HELZ: variants seen among roughly 807,000 people sequenced by gnomAD.
HELZ encodes the protein helicase with zinc finger.
Under a neutral mutation model 218.2 loss-of-function variants are expected in HELZ, and 23 were observed. That is an observed-to-expected ratio of 0.11 (90% CI 0.08 to 0.15). HELZ has a LOEUF of 0.15. HELZ is among the 10% of genes least tolerant of loss of function. The pLI, the probability that HELZ is intolerant of heterozygous loss-of-function variation, is 1.00. For synonymous variants in HELZ, 814 were observed against 829.4 expected, an observed-to-expected ratio of 0.98 and a Z score of 0.32; for missense variants, 1,813 against 2,353.7, an observed-to-expected ratio of 0.77 and a Z score of 4.75.
intron 5 of HELZ, among the ~76,000 whole-genome samples, chr17:67,210,628 T>C (rs1472403494): frequency 6.6e-6 from 1 of 152,136 alleles, no homozygotes; most frequent in Admixed American, 6.6e-5. Context: ...TTCATTTTTT[T>C]AGTGTAAAAA....
At chr17:67,163,170 T>C (rs1389216065) in intron 15 of HELZ, among the ~76,000 whole-genome samples, 1 of 152,204 alleles carries the variant, frequency 6.6e-6, no homozygotes, top group South Asian at 2.1e-4. Flanking sequence ...AAAAGCTCAA[T>C]TAAGGTTAGC....
chr17:67,152,888 A>G (rs549064378), intron 17 of HELZ, among the ~76,000 whole-genome samples: 1 of 152,204 alleles, frequency 6.6e-6, no homozygotes, highest in South Asian at 2.1e-4. Flanking sequence ...TCAGGAGAGC[A>G]TGGGGTATTG....
chr17:67,191,204 C>T (rs1437097041), intron 9 of HELZ, among the ~76,000 whole-genome samples: 1 of 152,174 alleles, frequency 6.6e-6, no homozygotes, highest in Non-Finnish European at 1.5e-5. Flanking sequence ...AGTGATTTTA[C>T]TCTTTTCTAC....
intron 17 of HELZ, among the ~76,000 whole-genome samples, chr17:67,159,768 A>T (rs1202973004): frequency 6.6e-6 from 1 of 152,166 alleles, no homozygotes; most frequent in Non-Finnish European, 1.5e-5. Context: ...AAAGTTGTTA[A>T]ATACCAGTCA....
chr17:67,109,203 T>C lies in HELZ; in HGVS notation c.4402A>G (p.Ile1468Val), dbSNP rs143514400. The part of the protein sequence containing the change: ...LQEGHSPLRA[I>V]AQPGPILPSH... ...GGAAGAATGGGGCCGGGTTGTGCAA[T>C]GGCTCTCAGAGGACTGTGGCCTTCT... Residue 1468 changes from isoleucine to valine, a missense_variant, in exon 29 of 33, where the codon ATT (isoleucine) becomes GTT (valine). By Grantham distance (29) the Ile-to-Val change is conservative. Transcript: ENST00000358691. The C allele has an allele frequency of 0.015, 24,241 of 1,614,132 alleles. 289 individuals are homozygous for C. The highest frequency in any genetic ancestry group is 0.019 in the South Asian group (1,757 of 91,080).
In HELZ at chr17:67,076,195, C is replaced by T. The variant is rs2143495912; in HGVS notation, c.*2057G>A. ...ATATGGGGGCTGGGGGGTGGATAATCACTGATGGGAAAATTATTTTCCATA... is the reference window on the plus strand; with the variant it reads ...ATATGGGGGCTGGGGGGTGGATAATTACTGATGGGAAAATTATTTTCCATA... On this transcript the variant is annotated 3_prime_UTR_variant, in exon 33 of 33. Coordinates refer to ENST00000358691, the MANE Select transcript of HELZ (RefSeq NM_014877.4). 1 of 152,322 alleles carries T rather than the reference C, an allele frequency of 6.6e-6. No individual in the cohort carries two copies. The highest frequency in any genetic ancestry group is 1.9e-4 in the East Asian group (1 of 5,178). 9.4% of individuals were successfully genotyped at this position (152,322 alleles called of 1,614,324 possible).
At chr17:67,098,333 G>C (rs1598210454) in intron 31 of HELZ, among the ~76,000 whole-genome samples, 1 of 152,138 alleles carries the variant, frequency 6.6e-6, no homozygotes, top group Non-Finnish European at 1.5e-5. Context: ...TAAAAGGGGG[G>C]AGTTAAATGA....
intron 32 of HELZ, among the ~76,000 whole-genome samples, chr17:67,080,339 G>A (rs756837667): frequency 5.9e-5 from 9 of 152,140 alleles, no homozygotes; most frequent in Non-Finnish European, 1.3e-4. Flanking sequence ...TTCTGTATCA[G>A]TATTAAGTTT....
At chr17:67,214,866 C>T (rs2040554566) in intron 5 of HELZ, among the ~76,000 whole-genome samples, 1 of 152,136 alleles carries the variant, frequency 6.6e-6, no homozygotes, top group Non-Finnish European at 1.5e-5. Flanking sequence ...AAACAGGAGA[C>T]CAGGTGCGGT....
At chr17:67,205,324 CA>C (rs750485034) in intron 5 of HELZ, among the ~76,000 whole-genome samples, 537 of 120,030 alleles carry the variant, frequency 4.5e-3, no homozygotes, top group East Asian at 0.014. Context: ...GAAACTGTCT[CA>C]AAAAAAAAAA....
chr17:67,082,469 A>G (rs1293461191), intron 32 of HELZ, among the ~76,000 whole-genome samples: 1 of 152,254 alleles, frequency 6.6e-6, no homozygotes, highest in African/African-American at 2.4e-5. Flanking sequence ...CCAATATAAC[A>G]TAAAACTAGA....
At chr17:67,196,036 G>A (rs1220438011) in intron 7 of HELZ, among the ~76,000 whole-genome samples, 2 of 151,854 alleles carry the variant, frequency 1.3e-5, no homozygotes, top group East Asian at 3.9e-4. Flanking sequence ...ATTTTTAGTA[G>A]AGATGGGGTT....
In HELZ at chr17:67,086,631, AATATATATAT is replaced by A. The variant is rs71139116; in HGVS notation, c.5494+188_5494+197del. ...ATATATATAAATAAATATAAATATA[AATATATATAT>A]ATATATATATATATATATATATAGA... is the stretch of plus-strand genomic sequence containing the variant. On this transcript the variant is annotated intron_variant, in intron 32 of 32. Coordinates refer to ENST00000358691, the MANE Select transcript of HELZ (RefSeq NM_014877.4). Among the ~76,000 whole-genome samples the A allele has an allele frequency of 2.0e-3, 185 of 93,296 alleles. 3 individuals are homozygous for A. Among genetic ancestry groups the A allele is most frequent in the East Asian group, 7.5e-3 (31 of 4,106 alleles). The allele number at this position is 93,296 out of a possible 152,430, so 61.2% of individuals were successfully genotyped here.
At chr17:67,245,027 G>A (rs952367977) in intron 1 of HELZ, 121 bp downstream of exon 1, 2 of 985,048 alleles carry the variant, frequency 2.0e-6, no homozygotes, top group African/African-American at 1.8e-5. Context: ...CCCCCAGCCT[G>A]CCCCGGGGCC....
chr17:67,134,391 A>C (rs991444549), intron 23 of HELZ, among the ~76,000 whole-genome samples: 13 of 152,152 alleles, frequency 8.5e-5, no homozygotes, highest in Non-Finnish European at 1.6e-4. Flanking sequence ...GTCTCAAAAA[A>C]AAAAAAAGAT....
At chr17:67,233,935 A>G (rs926546894) in intron 3 of HELZ, among the ~76,000 whole-genome samples, 101 of 151,348 alleles carry the variant, frequency 6.7e-4, no homozygotes, top group African/African-American at 2.2e-3. Context: ...AATCCCAGCT[A>G]CTCGGGAGGC....
rs201524760 is a variant in HELZ, at chr17:67,148,638, T to C, written c.2552A>G (p.His851Arg). ...CCTACATGGGAACTCAGCAGGGTAATGCTCATAGAGTCGGTCAAGTAATGA... is the reference window on the plus strand; with the variant it reads ...CCTACATGGGAACTCAGCAGGGTAACGCTCATAGAGTCGGTCAAGTAATGA... ...HVSLLDRLYE[H>R]YPAEFPCRIL... The change falls in exon 20 of 33, where the codon CAT (histidine) becomes CGT (arginine). Residue 851 changes from histidine to arginine, a missense_variant. His to Arg is a conservative substitution (Grantham distance 29). Transcript: ENST00000358691. The C allele has an allele frequency of 1.9e-6, 3 of 1,613,866 alleles. No homozygotes were observed. Among genetic ancestry groups the C allele is most frequent in the Non-Finnish European group, 2.5e-6 (3 of 1,179,804 alleles).
intron 19 of HELZ, 78 bp downstream of exon 19, chr17:67,149,789 A>G: frequency 2.6e-6 from 2 of 770,682 alleles, no homozygotes; most frequent in Non-Finnish European, 2.2e-6. Context: ...ATGTCATAGG[A>G]TGTTTTAGAA....
intron 17 of HELZ, among the ~76,000 whole-genome samples, chr17:67,152,462 T>C (rs1234689212): frequency 1.3e-5 from 2 of 151,996 alleles, no homozygotes; most frequent in African/African-American, 4.8e-5. Flanking sequence ...ATTTCGAGAG[T>C]AACGCCAACA....
Sources: allele counts gnomAD v4.1 joint callset (sites outside exome capture counted in the v4.1 genomes callset), GRCh38; gene constraint gnomAD v4.1.1; transcripts MANE v1.5; gene names NCBI Gene and HGNC (gene_info 2026-07-23, HGNC 2026-07-21).